LRP2: variants seen among roughly 807,000 people sequenced by gnomAD.
LRP2 encodes the protein LDL receptor related protein 2, also known as low-density lipoprotein receptor-related protein 2.
Under a neutral mutation model 531.0 loss-of-function variants are expected in LRP2, and 172 were observed. The ratio of observed to expected loss-of-function variants is 0.32; its 90% CI spans 0.29 to 0.37. The LOEUF (loss-of-function observed/expected upper bound fraction) is 0.37. Among genes scored for constraint, LRP2 ranks in the 10% least tolerant of loss-of-function variants. The probability of loss-of-function intolerance (pLI) is 1.00; values close to 1 mark genes in which losing one functional copy is unlikely to be tolerated. For synonymous variants in LRP2, 1,992 were observed against 2,027.6 expected (o/e 0.98, Z 0.47); for missense variants, 5,167 against 5,868.3 (o/e 0.88, Z 3.90).
chr2:169,261,794 C>A (rs1432765649), intron 16 of LRP2, among the ~76,000 whole-genome samples: 2 of 152,048 alleles, frequency 1.3e-5, no homozygotes, highest in African/African-American at 2.4e-5. Flanking sequence ...ACAACCAAAA[C>A]AGAGCATTTT....
Position 169,243,080 on chromosome 2 carries a change from T to C in LRP2, c.3551-8A>G. Reference sequence around the variant, plus strand: ...AAGCAGTACAGTTTAATACTAAGAATGAAAGAGAAAAGCATTAGAAATTAG... The same window carrying C: ...AAGCAGTACAGTTTAATACTAAGAACGAAAGAGAAAAGCATTAGAAATTAG... On this transcript the variant is annotated splice_polypyrimidine_tract_variant and splice_region_variant and intron_variant, in intron 23 of 78. Coordinates refer to ENST00000649046, the MANE Select transcript of LRP2 (RefSeq NM_004525.3). 1 of 1,592,634 alleles carries C rather than the reference T, an allele frequency of 6.3e-7. No individual in the cohort carries two copies. The highest frequency in any genetic ancestry group is 8.6e-7 in the Non-Finnish European group (1 of 1,160,504).
At position 169,170,609 on chromosome 2, in the gene LRP2, C is replaced by T. The variant is rs141727314; in HGVS notation, c.11322G>A (p.Ser3774=). The T allele has an allele frequency of 3.4e-4, 548 of 1,614,054 alleles. 1 individual carries two copies. Among genetic ancestry groups the T allele is most frequent in the Non-Finnish European group, 4.1e-4 (486 of 1,180,034 alleles). The stretch of plus-strand genomic sequence containing the variant: ...CGTTGTAATGGTCACAGATCCATCG[C>T]GAGGGAATGCACTGCTGATTGACAC... ...FRCVNQQCIP[S]RWICDHYNDC... is the part of the protein sequence containing the mutation. Residue 3774 remains serine (S), a synonymous_variant, in exon 59 of 79, where the codon TCG becomes TCA. Coordinates refer to ENST00000649046, the MANE Select transcript of LRP2 (RefSeq NM_004525.3).
At chr2:169,150,759 A>G in intron 68 of LRP2, 139 bp downstream of exon 68, 1 of 914,774 alleles carries the variant, frequency 1.1e-6, no homozygotes, top group Non-Finnish European at 1.7e-6. Flanking sequence ...ATAATTCTTG[A>G]AACAGTCATA....
intron 3 of LRP2, among the ~76,000 whole-genome samples, chr2:169,312,297 T>G (rs1167738149): frequency 6.6e-6 from 1 of 152,090 alleles, no homozygotes; most frequent in African/African-American, 2.4e-5. Flanking sequence ...CTTCCTAGCC[T>G]TGATGGTCTT....
In LRP2 at chr2:169,179,190, A is replaced by G. The variant is rs143836711; in HGVS notation, c.10170-1164T>C. Among the ~76,000 whole-genome samples, 441 of 152,038 alleles carry G rather than the reference A, an allele frequency of 2.9e-3. 1 individual carries two copies. The highest frequency in any genetic ancestry group is 9.9e-3 in the African/African-American group (412 of 41,470). ...TCCAGCTAATTTTTGTAATTTTTGTAGAGACAGGGTTTCGTCATGTTGCCC... is the reference window on the plus strand; with the variant it reads ...TCCAGCTAATTTTTGTAATTTTTGTGGAGACAGGGTTTCGTCATGTTGCCC... On this transcript the variant is annotated intron_variant, in intron 52 of 78. Transcript: ENST00000649046.
At chr2:169,309,323 C>T (rs1258057671) in intron 3 of LRP2, among the ~76,000 whole-genome samples, 1 of 152,062 alleles carries the variant, frequency 6.6e-6, no homozygotes, top group Non-Finnish European at 1.5e-5. Flanking sequence ...AATGGTATTG[C>T]CTAGGTTTTC....
chr2:169,349,034 G>A (rs1244641550), intron 1 of LRP2, among the ~76,000 whole-genome samples: 2 of 152,114 alleles, frequency 1.3e-5, no homozygotes, highest in African/African-American at 2.4e-5. Context: ...TTTATTCAAT[G>A]TATATTCATT....
intron 31 of LRP2, among the ~76,000 whole-genome samples, chr2:169,226,975 G>GAA (rs922045710): frequency 7.0e-6 from 1 of 142,292 alleles, no homozygotes. Context: ...GTTGAGTTTT[G>GAA]AAAAAAAAAA....
At chr2:169,246,392 G>A (rs1207072900) in intron 21 of LRP2, among the ~76,000 whole-genome samples, 2 of 152,010 alleles carry the variant, frequency 1.3e-5, no homozygotes, top group African/African-American at 2.4e-5. Flanking sequence ...CACCTTGCCT[G>A]GTCAGATCTA....
intron 7 of LRP2, among the ~76,000 whole-genome samples, chr2:169,291,549 T>C (rs1418817425): frequency 1.3e-5 from 2 of 152,224 alleles, no homozygotes; most frequent in East Asian, 1.9e-4. Flanking sequence ...CTGTAGGGTA[T>C]GGGTATTAGT....
At chr2:169,325,646 T>A (rs937174276) in intron 1 of LRP2, among the ~76,000 whole-genome samples, 2 of 152,210 alleles carry the variant, frequency 1.3e-5, no homozygotes, top group Non-Finnish European at 2.9e-5. Flanking sequence ...CTCTACCCTG[T>A]CTAGTGTCAA....
intron 32 of LRP2, 78 bp from the exon 33 acceptor site, chr2:169,225,531 A>G (rs1689172147): frequency 3.3e-6 from 5 of 1,510,240 alleles, no homozygotes; most frequent in South Asian, 1.1e-5. Flanking sequence ...CACTGTGGCT[A>G]CTGCCAGCTG....
At chr2:169,226,679 T>C in intron 31 of LRP2, 91 bp from the exon 32 acceptor site, 1 of 905,718 alleles carries the variant, frequency 1.1e-6, no homozygotes, top group Non-Finnish European at 1.8e-6. Flanking sequence ...TACCATCATA[T>C]GGGCTAAAAT....
chr2:169,331,820 A>G (rs1373927421), intron 1 of LRP2, among the ~76,000 whole-genome samples: 1 of 152,228 alleles, frequency 6.6e-6, no homozygotes, highest in East Asian at 1.9e-4. Context: ...CCAGTCACCC[A>G]GAGAATTCCT....
chr2:169,269,552 T>C (rs1362495335), intron 16 of LRP2, among the ~76,000 whole-genome samples: 2 of 152,204 alleles, frequency 1.3e-5, no homozygotes, highest in African/African-American at 2.4e-5. Flanking sequence ...GCTAGCCATA[T>C]TTAGAAAGCT....
intron 39 of LRP2, 33 bp from the exon 40 acceptor site, chr2:169,206,221 A>G: frequency 6.2e-7 from 1 of 1,613,962 alleles, no homozygotes; most frequent in Non-Finnish European, 8.5e-7. Context: ...ACACACAAGC[A>G]CACACAAAGA....
At chr2:169,258,214 T>A (rs1690394408) in intron 17 of LRP2, among the ~76,000 whole-genome samples, 1 of 152,154 alleles carries the variant, frequency 6.6e-6, no homozygotes, top group African/African-American at 2.4e-5. Context: ...AGGTCTGGAA[T>A]TTGAATACTG....
At chr2:169,133,551 T>C (rs1484383616) in intron 76 of LRP2, among the ~76,000 whole-genome samples, 1 of 151,800 alleles carries the variant, frequency 6.6e-6, no homozygotes, top group African/African-American at 2.4e-5. Context: ...TAAACATTTC[T>C]AGTTTCTGTA....
intron 71 of LRP2, 81 bp downstream of exon 71, chr2:169,142,593 G>A: frequency 1.3e-6 from 2 of 1,592,040 alleles, no homozygotes; most frequent in Non-Finnish European, 1.7e-6. Flanking sequence ...AAAGGACCCA[G>A]CATACAGGGA....
Sources: gnomAD v4.1 joint callset for allele counts (sites outside exome capture counted in the v4.1 genomes callset) on GRCh38, gnomAD v4.1.1 for gene constraint, MANE v1.5 for transcripts, NCBI Gene and HGNC (gene_info 2026-07-23, HGNC 2026-07-21) for gene names.